The following APPL2 variants were observed in gnomAD, a reference collection of about 807,000 sequenced individuals.
The protein encoded by APPL2 is adaptor protein, phosphotyrosine interacting with PH domain and leucine zipper 2.
APPL2 carries 84 observed loss-of-function variants against 92.7 expected under a neutral mutation model. That is an observed-to-expected ratio of 0.91 (90% CI 0.76 to 1.09). The LOEUF (loss-of-function observed/expected upper bound fraction) is 1.09. Ranked by LOEUF, APPL2 falls within the 50% of genes least tolerant of loss-of-function variation. The probability of loss-of-function intolerance (pLI) is 0.00; values close to 1 mark genes in which losing one functional copy is unlikely to be tolerated. For missense variants in APPL2, 736 were observed against 824.5 expected (o/e 0.89, Z 1.31); for synonymous variants, 291 against 291.0 (o/e 1.00, Z 0.00).
intron 4 of APPL2, among the ~76,000 whole-genome samples, chr12:105,214,396 T>A (rs1420891153): frequency 6.6e-6 from 1 of 152,200 alleles, no homozygotes; most frequent in Admixed American, 6.5e-5. Flanking sequence ...GTCTATTGCT[T>A]CTCGCCCTGG....
chr12:105,176,427 T>C (rs1051821074), intron 19 of APPL2: 1 of 462,326 alleles, frequency 2.2e-6, no homozygotes, highest in African/African-American at 2.0e-5. Context: ...ACTGAAAGGA[T>C]TGGTTAATTG....
intron 10 of APPL2, among the ~76,000 whole-genome samples, chr12:105,198,249 G>A (rs748678375): frequency 6.6e-6 from 1 of 152,220 alleles, no homozygotes; most frequent in Middle Eastern, 3.4e-3. Flanking sequence ...GAATGAGTCC[G>A]ACACCATTAA....
chr12:105,231,559 T>C (rs893529214), intron 1 of APPL2, among the ~76,000 whole-genome samples: 2 of 152,176 alleles, frequency 1.3e-5, no homozygotes, highest in African/African-American at 4.8e-5. Context: ...AGGGCTGGGA[T>C]GTAAATGGGT....
rs1400713695 is a variant in APPL2, at chr12:105,189,676, A to G, written c.1459+96T>C. 8.2e-6 allele frequency: 11 copies of G among 1,338,354 alleles called. No individual in the cohort carries two copies. The East Asian group carries it at 9.2e-5, about 11-fold the overall frequency. The allele number at this position is 1,338,354 out of a possible 1,614,324, so 82.9% of individuals were successfully genotyped here. A position where few individuals can be genotyped will look rare whatever the true frequency, so the allele number is the denominator to read the frequency against. On this transcript the variant is annotated intron_variant, in intron 16 of 20. Coordinates refer to ENST00000258530, the MANE Select transcript of APPL2 (RefSeq NM_018171.5). The stretch of plus-strand genomic sequence containing the variant: ...CAACAAATCTTAATTCATACTCCTA[A>G]TCATAGCTCTCTAAAACATGATTTC...
At chr12:105,176,854 G>A (rs1206664338) in intron 19 of APPL2, 22 bp downstream of exon 19, 1 of 1,611,466 alleles carries the variant, frequency 6.2e-7, no homozygotes, top group Non-Finnish European at 8.5e-7. Context: ...GATATTATGG[G>A]ATCTTCACAT....
At chr12:105,186,781 G>A (rs373647496) in intron 17 of APPL2, among the ~76,000 whole-genome samples, 2 of 148,950 alleles carry the variant, frequency 1.3e-5, no homozygotes, top group South Asian at 2.1e-4. Context: ...GCGTGCGCAC[G>A]CCATCTTAAT....
intron 20 of APPL2, 70 bp from the exon 21 acceptor site, chr12:105,174,518 C>T: frequency 6.6e-7 from 1 of 1,513,216 alleles, no homozygotes; most frequent in Non-Finnish European, 8.9e-7. Context: ...TTTGGCCTGG[C>T]TTTCAATATG....
At chr12:105,231,886 C>CTAG (rs1166457689) in intron 1 of APPL2, among the ~76,000 whole-genome samples, 3 of 152,206 alleles carry the variant, frequency 2.0e-5, no homozygotes, top group South Asian at 4.1e-4. Flanking sequence ...ATTTACTATA[C>CTAG]TGTGTCTGCT....
chr12:105,197,336 C>A (rs1196052139), intron 11 of APPL2, among the ~76,000 whole-genome samples: 1 of 152,174 alleles, frequency 6.6e-6, no homozygotes, highest in East Asian at 1.9e-4. Flanking sequence ...TCTCACAACT[C>A]CTGCTTCTGC....
At chr12:105,220,985 G>A (rs1318263785) in intron 2 of APPL2, among the ~76,000 whole-genome samples, 1 of 152,236 alleles carries the variant, frequency 6.6e-6, no homozygotes, top group Non-Finnish European at 1.5e-5. Flanking sequence ...TGTGCAGCCA[G>A]TATGAGTTCA....
intron 2 of APPL2, among the ~76,000 whole-genome samples, chr12:105,218,476 T>G (rs549478885): frequency 1.4e-4 from 21 of 152,344 alleles, no homozygotes; most frequent in African/African-American, 4.8e-4. Flanking sequence ...TGGGAGGCTC[T>G]GACAGACAGT....
intron 16 of APPL2, 41 bp downstream of exon 16, chr12:105,189,731 T>C: frequency 6.3e-7 from 1 of 1,587,828 alleles, no homozygotes; most frequent in Non-Finnish European, 8.7e-7. Flanking sequence ...GTTGTCATTT[T>C]GTGCAGAGGA....
At chr12:105,197,512 G>A (rs1330876356) in intron 11 of APPL2, among the ~76,000 whole-genome samples, 1 of 152,186 alleles carries the variant, frequency 6.6e-6, no homozygotes, top group East Asian at 1.9e-4. Context: ...TCTCACACAC[G>A]TAGGTCATCT....
At chr12:105,193,187 T>A (rs928698475) in intron 14 of APPL2, among the ~76,000 whole-genome samples, 1 of 152,346 alleles carries the variant, frequency 6.6e-6, no homozygotes, top group African/African-American at 2.4e-5. Flanking sequence ...GTGACTTGCT[T>A]ATTCTAGAAT....
chr12:105,236,086 CCGGCTCT>C lies in APPL2; in HGVS notation c.-81_-75del, dbSNP rs1891210897. The stretch of plus-strand genomic sequence containing the variant: ...GAGACGCGGCGGCCGAGAGCACTCC[CCGGCTCT>C]GGGCTCAGGCGACGCGGCGGCCACT... On this transcript the variant is annotated 5_prime_UTR_variant, in exon 1 of 21. Coordinates refer to ENST00000258530, the MANE Select transcript of APPL2 (RefSeq NM_018171.5). 7.2e-6 allele frequency: 8 copies of C among 1,112,540 alleles called. No individual in the cohort carries two copies. The highest frequency in any genetic ancestry group is 1.6e-5 in the African/African-American group (1 of 60,910). The allele number at this position is 1,112,540 out of a possible 1,614,324, so 68.9% of individuals were successfully genotyped here.
At chr12:105,215,920 G>A (rs143909478) in intron 4 of APPL2, among the ~76,000 whole-genome samples, 1,713 of 152,132 alleles carry the variant, frequency 0.011, 17 homozygotes, top group Non-Finnish European at 0.018. Context: ...CCAGCTACTC[G>A]GGAGGCTGAG....
chr12:105,234,291 G>T (rs142946878), intron 1 of APPL2, among the ~76,000 whole-genome samples: 1 of 152,290 alleles, frequency 6.6e-6, no homozygotes, highest in African/African-American at 2.4e-5. Context: ...CTCCCTCCCT[G>T]TCTCTCATTC....
At chr12:105,201,925 C>G (rs923171951) in intron 9 of APPL2, among the ~76,000 whole-genome samples, 3 of 152,128 alleles carry the variant, frequency 2.0e-5, no homozygotes, top group African/African-American at 7.2e-5. Flanking sequence ...GTGGCATCAT[C>G]CCCCGGGGAA....
intron 2 of APPL2, among the ~76,000 whole-genome samples, chr12:105,221,967 A>T (rs1890133584): frequency 6.6e-6 from 1 of 152,220 alleles, no homozygotes; most frequent in Non-Finnish European, 1.5e-5. Flanking sequence ...ATGAATGGAG[A>T]GGCTAGAGAG....
Sources: allele counts gnomAD v4.1 joint callset (sites outside exome capture counted in the v4.1 genomes callset), GRCh38; gene constraint gnomAD v4.1.1; transcripts MANE v1.5; gene names NCBI Gene and HGNC (gene_info 2026-07-23, HGNC 2026-07-21).